DPF3: variants seen among roughly 807,000 people sequenced by gnomAD.
DPF3 encodes zinc finger protein DPF3.
A neutral mutation model predicts 56.8 loss-of-function variants in DPF3; 18 were observed. The ratio of observed to expected loss-of-function variants is 0.32; its 90% CI spans 0.22 to 0.47. DPF3 has a LOEUF of 0.47. Ranked by LOEUF, DPF3 falls within the 20% of genes least tolerant of loss-of-function variation. The pLI is 1.00. For synonymous variants in DPF3, 188 were observed against 180.2 expected, an observed-to-expected ratio of 1.04 and a Z score of -0.35; for missense variants, 403 against 488.8, an observed-to-expected ratio of 0.82 and a Z score of 1.65.
intron 4 of DPF3, 54 bp from the exon 5 acceptor site, chr14:72,723,782 A>C: frequency 6.7e-7 from 1 of 1,482,600 alleles, no homozygotes; most frequent in South Asian, 1.2e-5. Context: ...AAAGGGAAAA[A>C]CCATCAGAGA....
rs114794981 is a variant in DPF3, at chr14:72,666,002, C to G, written c.871+8238G>C. On this transcript the variant is annotated intron_variant, in intron 8 of 10. Transcript: ENST00000556509. ...ATGTTTTTTATCTAATAATTCAGTTCTGACAGGAATCTTCCATCATTCCCA... is the reference window on the plus strand; with the variant it reads ...ATGTTTTTTATCTAATAATTCAGTTGTGACAGGAATCTTCCATCATTCCCA... Among the ~76,000 whole-genome samples the G allele has an allele frequency of 8.0e-3, 1,220 of 152,296 alleles. 24 individuals carry two copies. Among genetic ancestry groups the G allele is most frequent in the African/African-American group, 0.028 (1,162 of 41,560 alleles).
chr14:72,641,614 G>A (rs1303283264), intron 8 of DPF3, among the ~76,000 whole-genome samples: 2 of 152,206 alleles, frequency 1.3e-5, no homozygotes, highest in South Asian at 2.1e-4. Context: ...CAGGAGGGAA[G>A]TTGGGGCCAA....
chr14:72,821,872 G>C (rs1270610144), intron 1 of DPF3, among the ~76,000 whole-genome samples: 1 of 151,736 alleles, frequency 6.6e-6, no homozygotes, highest in African/African-American at 2.4e-5. Context: ...GCCAGGCACT[G>C]TCGTGTGTAC....
intron 7 of DPF3, among the ~76,000 whole-genome samples, chr14:72,692,053 G>A (rs896329074): frequency 6.6e-6 from 1 of 152,194 alleles, no homozygotes; most frequent in African/African-American, 2.4e-5. Context: ...TTGGCCACAG[G>A]TGTGTTCTTT....
intron 8 of DPF3, among the ~76,000 whole-genome samples, chr14:72,649,479 G>A (rs1989638): frequency 0.28 from 41,967 of 152,076 alleles, 6,458 homozygotes; most frequent in African/African-American, 0.42. Context: ...AAAGTGAGAA[G>A]AGGAAGAAGG....
chr14:72,763,807 T>C (rs746758602), intron 2 of DPF3, among the ~76,000 whole-genome samples: 1 of 152,052 alleles, frequency 6.6e-6, no homozygotes, highest in African/African-American at 2.4e-5. Context: ...AAACCACAGA[T>C]TGTAAAAAAA....
chr14:72,876,678 T>C (rs552624435), intron 1 of DPF3, among the ~76,000 whole-genome samples: 1 of 152,262 alleles, frequency 6.6e-6, no homozygotes, highest in South Asian at 2.1e-4. Context: ...TCACTTCCCT[T>C]TGGTGACTAA....
At chr14:72,629,832 G>A in intron 8 of DPF3, 96 bp from the exon 9 acceptor site, 1 of 1,031,094 alleles carries the variant, frequency 9.7e-7, no homozygotes, top group South Asian at 1.4e-5. Flanking sequence ...CAGTGTGCAG[G>A]CAGGGCAGGG....
At chr14:72,835,977 C>T in intron 1 of DPF3, 4 of 898,750 alleles carry the variant, frequency 4.5e-6, no homozygotes, top group Non-Finnish European at 5.3e-6. Context: ...TCAAGATACA[C>T]CCGCCGGAGA....
intron 1 of DPF3, among the ~76,000 whole-genome samples, chr14:72,891,611 A>T (rs762791586): frequency 2.7e-4 from 41 of 152,088 alleles, no homozygotes; most frequent in African/African-American, 4.8e-4. Context: ...AGTTATTTTT[A>T]AAAAAATAAA....
At chr14:72,733,149 C>T (rs780067245) in intron 3 of DPF3, among the ~76,000 whole-genome samples, 4 of 152,076 alleles carry the variant, frequency 2.6e-5, no homozygotes, top group Non-Finnish European at 5.9e-5. Context: ...TTCTGATTTA[C>T]TAAAATATTT....
chr14:72,730,562 C>T (rs1889599192), intron 4 of DPF3, among the ~76,000 whole-genome samples: 1 of 152,164 alleles, frequency 6.6e-6, no homozygotes, highest in Admixed American at 6.5e-5. Flanking sequence ...ACCGCATTGG[C>T]CCTGGCTATC....
chr14:72,632,304 T>G lies in DPF3; in HGVS notation c.872-2568A>C, dbSNP rs370471544. ...AACTGTACATACACATACACATATGTATTTGTACATGTAAAACTAGTCACA... is the reference window on the plus strand; with the variant it reads ...AACTGTACATACACATACACATATGGATTTGTACATGTAAAACTAGTCACA... On this transcript the variant is annotated intron_variant, in intron 8 of 10. Transcript: ENST00000556509. Among the ~76,000 whole-genome samples the G allele has an allele frequency of 2.6e-5, 4 of 152,324 alleles. No individual in the cohort carries two copies. The East Asian group carries it at 5.8e-4, about 22-fold the overall frequency.
intron 7 of DPF3, among the ~76,000 whole-genome samples, chr14:72,688,314 G>A (rs1408070482): frequency 2.5e-4 from 30 of 118,718 alleles, no homozygotes; most frequent in African/African-American, 9.3e-4. Context: ...TGGGTGGGTG[G>A]GTGGGTGGGT....
At chr14:72,644,636 A>C (rs1470840566) in intron 8 of DPF3, among the ~76,000 whole-genome samples, 1 of 152,184 alleles carries the variant, frequency 6.6e-6, no homozygotes, top group Non-Finnish European at 1.5e-5. Flanking sequence ...ATACAAAAAC[A>C]CCCATCAATA....
chr14:72,760,264 A>T (rs1382251098), intron 2 of DPF3, among the ~76,000 whole-genome samples: 1 of 152,188 alleles, frequency 6.6e-6, no homozygotes, highest in Non-Finnish European at 1.5e-5. Context: ...TGAGGTCGGG[A>T]GTTCGAGAAC....
intron 1 of DPF3, among the ~76,000 whole-genome samples, chr14:72,868,809 T>A (rs186466994): frequency 4.6e-5 from 7 of 152,144 alleles, no homozygotes; most frequent in Admixed American, 6.5e-5. Context: ...TATGCTCCTA[T>A]CTCATTTTTA....
chr14:72,766,744 C>G (rs1891304321), intron 2 of DPF3, among the ~76,000 whole-genome samples: 1 of 152,226 alleles, frequency 6.6e-6, no homozygotes, highest in African/African-American at 2.4e-5. Context: ...GAGCCTGTGT[C>G]CAGCCCGATC....
chr14:72,863,844 G>A (rs561270983), intron 1 of DPF3, among the ~76,000 whole-genome samples: 1 of 152,214 alleles, frequency 6.6e-6, no homozygotes, highest in Non-Finnish European at 1.5e-5. Context: ...ACTAGGGGCA[G>A]CTGTTCTGCC....
Sources: gnomAD v4.1 joint callset for allele counts (sites outside exome capture counted in the v4.1 genomes callset) on GRCh38, gnomAD v4.1.1 for gene constraint, MANE v1.5 for transcripts, NCBI Gene and HGNC (gene_info 2026-07-23, HGNC 2026-07-21) for gene names.